The following PARN variants were observed in gnomAD, a reference collection of about 807,000 sequenced individuals.
The protein encoded by PARN is poly(A)-specific ribonuclease PARN.
Under a neutral mutation model 102.8 loss-of-function variants are expected in PARN, and 71 were observed. That is an observed-to-expected ratio of 0.69 (90% CI 0.57 to 0.84). The LOEUF (loss-of-function observed/expected upper bound fraction) is 0.84. Among genes scored for constraint, PARN ranks in the 40% least tolerant of loss-of-function variants. The pLI, the probability that PARN is intolerant of heterozygous loss-of-function variation, is 0.00. For missense variants in PARN, 782 were observed against 760.9 expected, an observed-to-expected ratio of 1.03 and a Z score of -0.33; for synonymous variants, 261 against 252.9, an observed-to-expected ratio of 1.03 and a Z score of -0.30.
intron 21 of PARN, among the ~76,000 whole-genome samples, chr16:14,533,799 C>G (rs1032775478): frequency 2.6e-5 from 4 of 152,202 alleles, no homozygotes; most frequent in Non-Finnish European, 4.4e-5. Context: ...TATCACAACA[C>G]TCAGTAGCCA....
At chr16:14,533,178 CGGA>C (rs1351871523) in intron 21 of PARN, among the ~76,000 whole-genome samples, 1 of 152,094 alleles carries the variant, frequency 6.6e-6, no homozygotes, top group African/African-American at 2.4e-5. Context: ...CCGAGGCTGG[CGGA>C]TCACTCGCGG....
intron 21 of PARN, among the ~76,000 whole-genome samples, chr16:14,527,692 G>A (rs114740976): frequency 0.012 from 1,784 of 152,266 alleles, 45 homozygotes; most frequent in African/African-American, 0.04. Flanking sequence ...TTTAACTCAT[G>A]TGTGAACAAA....
chr16:14,479,920 CA>C (rs58833234), intron 22 of PARN, among the ~76,000 whole-genome samples: 9,542 of 102,774 alleles, frequency 0.093, 702 homozygotes, highest in African/African-American at 0.25. Context: ...AACCTTCTAC[CA>C]AAAAAAAAAA....
chr16:14,590,124 G>A (rs1414145131), intron 13 of PARN, among the ~76,000 whole-genome samples: 1 of 147,308 alleles, frequency 6.8e-6, no homozygotes, highest in Admixed American at 6.8e-5. Context: ...GGTGGCGGGC[G>A]CCTGTAATCC....
intron 22 of PARN, among the ~76,000 whole-genome samples, chr16:14,480,475 A>G (rs2014220275): frequency 2.0e-5 from 3 of 152,270 alleles, no homozygotes; most frequent in Non-Finnish European, 4.4e-5. Flanking sequence ...AAGAACTATA[A>G]GTGAATAGCG....
At chr16:14,572,630 T>A (rs1206684853) in intron 18 of PARN, among the ~76,000 whole-genome samples, 1 of 152,120 alleles carries the variant, frequency 6.6e-6, no homozygotes, top group East Asian at 1.9e-4. Context: ...AAAACAAAAC[T>A]TTAAAAAATG....
intron 18 of PARN, among the ~76,000 whole-genome samples, chr16:14,569,226 T>TAA (rs796386573): frequency 7.1e-6 from 1 of 139,946 alleles, no homozygotes; most frequent in Non-Finnish European, 1.6e-5. Flanking sequence ...TATACAAATT[T>TAA]AAAAAAAAAA....
At chr16:14,455,246 G>A (rs1361525127) in intron 22 of PARN, among the ~76,000 whole-genome samples, 1 of 152,222 alleles carries the variant, frequency 6.6e-6, no homozygotes, top group African/African-American at 2.4e-5. Flanking sequence ...AAAGCCAACT[G>A]CAGTTAGGAT....
chr16:14,465,610 C>T (rs1451961574), intron 22 of PARN, among the ~76,000 whole-genome samples: 2 of 152,060 alleles, frequency 1.3e-5, no homozygotes, highest in African/African-American at 4.8e-5. Flanking sequence ...TATCCTAATT[C>T]AATCCCAACC....
At chr16:14,535,176 C>A (rs1293200358) in intron 21 of PARN, among the ~76,000 whole-genome samples, 1 of 152,126 alleles carries the variant, frequency 6.6e-6, no homozygotes, top group Non-Finnish European at 1.5e-5. Flanking sequence ...ATAATCTTAT[C>A]ACCTGAAAGT....
At chr16:14,582,956 A>C (rs1225314143) in intron 16 of PARN, among the ~76,000 whole-genome samples, 2 of 152,202 alleles carry the variant, frequency 1.3e-5, no homozygotes, top group African/African-American at 4.8e-5. Context: ...AAAAAAGAGA[A>C]GACTGCAATT....
Position 14,486,123 on chromosome 16 carries a change from G to C in PARN, c.1481-3296C>G, listed in dbSNP as rs182071095. Reference sequence around the variant, plus strand: ...CAGTCCCAGCACTCTGGGAGGCCAAGGCAGGAGGACTGCTTGAGCCCAGGG... The same window carrying C: ...CAGTCCCAGCACTCTGGGAGGCCAACGCAGGAGGACTGCTTGAGCCCAGGG... On this transcript the variant is annotated intron_variant, in intron 21 of 23. Coordinates refer to ENST00000437198, the MANE Select transcript of PARN (RefSeq NM_002582.4). Among the ~76,000 whole-genome samples, 1,339 of 152,322 alleles carry C rather than the reference G, an allele frequency of 8.8e-3. 6 individuals carry two copies. The highest frequency in any genetic ancestry group is 0.014 in the Non-Finnish European group (953 of 68,018).
chr16:14,546,453 G>A (rs1966948956), intron 21 of PARN, among the ~76,000 whole-genome samples: 1 of 152,006 alleles, frequency 6.6e-6, no homozygotes, highest in African/African-American at 2.4e-5. Flanking sequence ...ATAATTACTG[G>A]GTAACTTTTT....
chr16:14,616,738 G>C (rs1233031521), intron 6 of PARN, among the ~76,000 whole-genome samples: 4 of 151,444 alleles, frequency 2.6e-5, no homozygotes, highest in Admixed American at 2.6e-4. Flanking sequence ...GTGGGACCCT[G>C]TCTCAAAAAA....
intron 21 of PARN, among the ~76,000 whole-genome samples, chr16:14,493,717 A>G (rs1964171846): frequency 6.6e-6 from 1 of 152,244 alleles, no homozygotes. Flanking sequence ...GACAATAAAT[A>G]CAAGCTATTA....
intron 21 of PARN, among the ~76,000 whole-genome samples, chr16:14,548,318 C>T (rs764841915): frequency 4.0e-5 from 6 of 151,794 alleles, no homozygotes; most frequent in Non-Finnish European, 8.8e-5. Context: ...ATTAGAATCA[C>T]CATTATAAAG....
intron 21 of PARN, among the ~76,000 whole-genome samples, chr16:14,527,494 T>C (rs1392848214): frequency 6.6e-6 from 1 of 152,206 alleles, no homozygotes; most frequent in Non-Finnish European, 1.5e-5. Flanking sequence ...TTTGACGTCA[T>C]GAAAGCTGAA....
chr16:14,527,007 C>T (rs1966045243), intron 21 of PARN, among the ~76,000 whole-genome samples: 1 of 152,240 alleles, frequency 6.6e-6, no homozygotes, highest in Admixed American at 6.5e-5. Context: ...CAGAGAACAA[C>T]AAACACTCCA....
chr16:14,613,993 G>C lies in PARN; in HGVS notation c.389-3184C>G, dbSNP rs143015789. On this transcript the variant is annotated intron_variant, in intron 6 of 23. Coordinates refer to ENST00000437198, the MANE Select transcript of PARN (RefSeq NM_002582.4). ...CTAAAAACAATAAATGAGACCATGC[G>C]TAACAGGTCACTCCTATAATCCCAG... 1.0e-3 allele frequency among the ~76,000 whole-genome samples: 155 copies of C among 152,244 alleles called. 1 individual carries two copies. The highest frequency in any genetic ancestry group is 3.4e-3 in the African/African-American group (142 of 41,548).
Sources: gnomAD v4.1 joint callset for allele counts (sites outside exome capture counted in the v4.1 genomes callset) on GRCh38, gnomAD v4.1.1 for gene constraint, MANE v1.5 for transcripts, NCBI Gene and HGNC (gene_info 2026-07-23, HGNC 2026-07-21) for gene names.